The following RAP1GAP2 variants were observed in gnomAD, a reference collection of about 807,000 sequenced individuals.
The protein encoded by RAP1GAP2 is rap1 GTPase-activating protein 2.
A neutral mutation model predicts 95.0 loss-of-function variants in RAP1GAP2; 27 were observed. The observed-to-expected ratio is 0.28, with a 90% CI of 0.21 to 0.39. The LOEUF (loss-of-function observed/expected upper bound fraction) is 0.39. Among genes scored for constraint, RAP1GAP2 ranks in the 10% least tolerant of loss-of-function variants. RAP1GAP2 has a pLI of 1.00. For missense variants in RAP1GAP2, 771 were observed against 970.0 expected, an observed-to-expected ratio of 0.79 and a Z score of 2.72; for synonymous variants, 373 against 380.9, an observed-to-expected ratio of 0.98 and a Z score of 0.24.
chr17:3,028,957 G>A (rs1175156355), intron 22 of RAP1GAP2, among the ~76,000 whole-genome samples: 2 of 152,000 alleles, frequency 1.3e-5, no homozygotes, highest in East Asian at 3.9e-4. Flanking sequence ...TGTGCCACAT[G>A]CCCGGCTAAT....
intron 3 of RAP1GAP2, among the ~76,000 whole-genome samples, chr17:2,920,129 C>T (rs1475766343): frequency 6.6e-6 from 1 of 152,064 alleles, no homozygotes; most frequent in Non-Finnish European, 1.5e-5. Flanking sequence ...CTCAGCCTCC[C>T]AAGTAGCTGG....
chr17:2,874,631 C>T (rs2073007743), intron 2 of RAP1GAP2, among the ~76,000 whole-genome samples: 1 of 152,176 alleles, frequency 6.6e-6, no homozygotes, highest in Non-Finnish European at 1.5e-5. Flanking sequence ...CAGTCAGAGG[C>T]CTCAGCCTGG....
chr17:2,862,097 T>C (rs2072421207), intron 2 of RAP1GAP2, among the ~76,000 whole-genome samples: 1 of 152,140 alleles, frequency 6.6e-6, no homozygotes, highest in Non-Finnish European at 1.5e-5. Context: ...GCTCTGTCAT[T>C]ATGCCTTGCC....
intron 3 of RAP1GAP2, among the ~76,000 whole-genome samples, chr17:2,937,156 G>T (rs1269299130): frequency 6.6e-6 from 1 of 152,128 alleles, no homozygotes; most frequent in African/African-American, 2.4e-5. Context: ...AAGACCTAAA[G>T]GCCAAGTAGG....
In RAP1GAP2 at chr17:2,797,722, T is replaced by C. The variant is rs1272741836; in HGVS notation, c.44+1151T>C. 1.0e-6 allele frequency: 1 copy of C among 985,236 alleles called. No homozygotes were observed. The highest frequency in any genetic ancestry group is 1.7e-5 in the African/African-American group (1 of 57,222). 61.0% of individuals were successfully genotyped at this position (985,236 alleles called of 1,614,324 possible). A position where few individuals can be genotyped will look rare whatever the true frequency, so the allele number is the denominator to read the frequency against. ...GTGCGGATGAGAAGATGGCACAGCGTCGCCTGTGTCTGCTCTCGGGCCCTC... is the reference window on the plus strand; with the variant it reads ...GTGCGGATGAGAAGATGGCACAGCGCCGCCTGTGTCTGCTCTCGGGCCCTC... On this transcript the variant is annotated intron_variant, in intron 1 of 24. Transcript: ENST00000254695. The surrounding 1 kb of genome is among the most constrained non-coding windows in gnomAD (Gnocchi z 5.6).
chr17:2,880,118 C>T (rs563547456), intron 2 of RAP1GAP2, among the ~76,000 whole-genome samples: 221 of 152,226 alleles, frequency 1.5e-3, no homozygotes, highest in Non-Finnish European at 2.4e-3. Context: ...AGCACGGGGA[C>T]TGATGGATGA....
At chr17:2,962,741 C>G in intron 5 of RAP1GAP2, 27 bp downstream of exon 5, 1 of 1,577,904 alleles carries the variant, frequency 6.3e-7, no homozygotes, top group Non-Finnish European at 8.6e-7. Context: ...AGGGGGTGGC[C>G]AGACGGCCCT....
In RAP1GAP2 at chr17:2,949,985, C is replaced by T. The variant is rs564631475; in HGVS notation, c.166-7774C>T. On this transcript the variant is annotated intron_variant, in intron 3 of 24. Coordinates refer to ENST00000254695, the MANE Select transcript of RAP1GAP2 (RefSeq NM_015085.5). ...TGGCTGAGGCTGAATCATAGCCCTT[C>T]TCACCAACTGTGCCAGCCCCAGGCC... Among the ~76,000 whole-genome samples, 7 of 152,212 alleles carry T rather than the reference C, an allele frequency of 4.6e-5. No homozygotes were observed. The South Asian group carries it at 1.5e-3, about 32-fold the overall frequency.
intron 17 of RAP1GAP2, among the ~76,000 whole-genome samples, 157 bp from the exon 18 acceptor site, chr17:3,017,904 G>A (rs1296966717): frequency 6.7e-6 from 1 of 148,562 alleles, no homozygotes; most frequent in Non-Finnish European, 1.5e-5. Context: ...AACTAGTATG[G>A]GCCTCTGTGA....
intron 17 of RAP1GAP2, among the ~76,000 whole-genome samples, chr17:3,014,233 A>T (rs1329401098): frequency 3.9e-5 from 6 of 152,226 alleles, no homozygotes; most frequent in Admixed American, 2.6e-4. Flanking sequence ...CGAGCCTAGG[A>T]CACACGTCGG....
intron 2 of RAP1GAP2, among the ~76,000 whole-genome samples, chr17:2,873,115 A>G (rs1484223596): frequency 6.7e-6 from 1 of 149,968 alleles, no homozygotes; most frequent in East Asian, 2.0e-4. Flanking sequence ...AAAAAAAAAA[A>G]CGGAAAATAG....
intron 3 of RAP1GAP2, among the ~76,000 whole-genome samples, chr17:2,956,530 G>A (rs1049792329): frequency 5.3e-5 from 8 of 152,216 alleles, no homozygotes; most frequent in Admixed American, 1.3e-4. Context: ...AAGAAGAACC[G>A]AGGACACTGT....
chr17:2,856,455 A>C (rs2072141290), intron 2 of RAP1GAP2, among the ~76,000 whole-genome samples: 1 of 152,228 alleles, frequency 6.6e-6, no homozygotes, highest in Non-Finnish European at 1.5e-5. Context: ...AAAGTGCTGC[A>C]TAAAGGTAAC....
intron 3 of RAP1GAP2, among the ~76,000 whole-genome samples, chr17:2,912,132 C>T (rs1279665940): frequency 6.6e-6 from 1 of 152,214 alleles, no homozygotes; most frequent in East Asian, 1.9e-4. Flanking sequence ...CCCACCGCCT[C>T]TATGGTAGGT....
At chr17:3,001,705 A>T (rs1013063065) in intron 14 of RAP1GAP2, among the ~76,000 whole-genome samples, 4 of 152,266 alleles carry the variant, frequency 2.6e-5, no homozygotes, top group Admixed American at 2.6e-4. Context: ...ACAGTTGAAG[A>T]GGAAGAACTA....
chr17:2,799,633 A>G (rs1261069599), intron 1 of RAP1GAP2, among the ~76,000 whole-genome samples: 1 of 152,190 alleles, frequency 6.6e-6, no homozygotes, highest in Admixed American at 6.5e-5. Context: ...ATGTGGTGAC[A>G]TGGACAGTGA....
rs775340599 is a variant in RAP1GAP2 at position 3,027,774 on chromosome 17, G to GGGGAGGGA, written c.2107+705_2107+712dup. Among the ~76,000 whole-genome samples, 1 of 146,966 alleles carries GGGGAGGGA rather than the reference G, an allele frequency of 6.8e-6. No homozygotes were observed. The highest frequency in any genetic ancestry group is 2.5e-5 in the African/African-American group (1 of 40,268). ...TGGATTAGTAGAGAGCAGGAGCAGA[G>GGGGAGGGA]GGGAGGGATGGAGGGGAGGGGAGAG... On this transcript the variant is annotated intron_variant, in intron 22 of 24. Coordinates refer to ENST00000254695, the MANE Select transcript of RAP1GAP2 (RefSeq NM_015085.5). This position sits in a 1 kb window ranked among gnomAD's most constrained non-coding sequence, Gnocchi z 5.2.
At position 3,008,741 on chromosome 17, in the gene RAP1GAP2, C is replaced by T. The variant is rs1477894852; in HGVS notation, c.1494+596C>T. On this transcript the variant is annotated intron_variant, in intron 17 of 24. Transcript: ENST00000254695. This position sits in a 1 kb window ranked among gnomAD's most constrained non-coding sequence, Gnocchi z 4.2. The stretch of plus-strand genomic sequence containing the variant: ...AAGTATTCAAGTGGAGCTCGGACGG[C>T]CCCCGAGCTGGCGTGTGGTAGAGGT... Among the ~76,000 whole-genome samples the T allele has an allele frequency of 6.6e-6, 1 of 152,222 alleles. No homozygotes were observed.
At chr17:2,764,734 T>C (rs1314787603) in intron 1 of RAP1GAP2, among the ~76,000 whole-genome samples, 2 of 151,526 alleles carry the variant, frequency 1.3e-5, no homozygotes, top group Admixed American at 6.6e-5. Flanking sequence ...AATAAATAAA[T>C]AAAAAAATAA....
Sources: gnomAD v4.1 joint callset for allele counts (sites outside exome capture counted in the v4.1 genomes callset) on GRCh38, gnomAD v4.1.1 for gene constraint, Gnocchi (gnomAD v3.1) non-coding constraint, MANE v1.5 for transcripts, NCBI Gene and HGNC (gene_info 2026-07-23, HGNC 2026-07-21) for gene names.